Variants in KRTAP19-8 observed in about 807,000 individuals in gnomAD.
The protein encoded by KRTAP19-8 is keratin-associated protein 19-8.
KRTAP19-8 carries 1 observed loss-of-function variant against 0.3 expected under a neutral mutation model. The observed-to-expected ratio is 3.43, with a 90% confidence interval of 1.22 to 16.29. KRTAP19-8 has a LOEUF of 16.29. Among genes scored for constraint, KRTAP19-8 ranks in the 30% most tolerant of loss-of-function variants. The pLI is 0.12. For missense variants in KRTAP19-8, 68 were observed against 77.6 expected (o/e 0.88, Z 0.46); for synonymous variants, 30 against 32.1 (o/e 0.94, Z 0.22).
rs200908947 is a variant in KRTAP19-8 at position 31,038,347 on chromosome 21, G to A, written c.97C>T (p.Arg33Cys). The A allele has an allele frequency of 1.9e-5, 31 of 1,609,294 alleles. No individual in the cohort carries two copies. The African/African-American group carries it at 2.1e-4, about 11-fold the overall frequency. ...YGYGCGYGSF[R>C]RLGYGCGYGG... ...TAGCCACAGCCATAGCCCAACCTGC[G>A]GAAGCTGCCATAGCCGCAGCCATAG... The change falls in exon 1 of 1, where the codon CGC (arginine) becomes TGC (cysteine). Residue 33 changes from arginine to cysteine, a missense_variant. By Grantham distance (180) the Arg-to-Cys change is radical. Coordinates refer to ENST00000382822, the MANE Select transcript of KRTAP19-8 (RefSeq NM_001099219.1).
chr21:31,038,291 T>C lies in KRTAP19-8; in HGVS notation c.153A>G (p.Pro51=), dbSNP rs200559160. The C allele has an allele frequency of 7.4e-6, 12 of 1,613,632 alleles. No homozygotes were observed. The highest frequency in any genetic ancestry group is 9.3e-6 in the Non-Finnish European group (11 of 1,179,562). ...YGGYGFSCCR[P]LYYGGYGFSA... is the part of the protein sequence containing the mutation. ...AGAATCCATATCCTCCGTAGTATAATGGTCGGCAACAGCTGAATCCATAGC... is the reference window on the plus strand; with the variant it reads ...AGAATCCATATCCTCCGTAGTATAACGGTCGGCAACAGCTGAATCCATAGC... The change falls in exon 1 of 1, where the codon CCA becomes CCG. Residue 51 remains proline, a synonymous_variant. Coordinates refer to ENST00000382822, the MANE Select transcript of KRTAP19-8 (RefSeq NM_001099219.1).
In KRTAP19-8 at chr21:31,038,461, T is replaced by C; in HGVS notation, c.-18A>G. The C allele has an allele frequency of 6.2e-7, 1 of 1,601,528 alleles. No individual in the cohort carries two copies. The highest frequency in any genetic ancestry group is 8.5e-7 in the Non-Finnish European group (1 of 1,173,154). On this transcript the variant is annotated 5_prime_UTR_variant, in exon 1 of 1. Transcript: ENST00000382822. ...TAGCTCATGGTTCAGCAACTGTAGA[T>C]GTGTTTGGAGGTCAAGGGCAAGTTT...
Position 31,038,386 on chromosome 21 carries a change from C to T in KRTAP19-8, c.58G>A (p.Gly20Ser). ...GLGYGYGGFG[G>S]WGYGYGCGYG... ...CCGCAGCCATAGCCATAGCCCCAGC[C>T]ACCAAAGCCTCCATAGCCATAGCCC... Residue 20 changes from glycine to serine, a missense_variant, in exon 1 of 1, where the codon GGC becomes AGC. By Grantham distance (56) the Gly-to-Ser change is moderately conservative. Transcript: ENST00000382822. 6.2e-7 allele frequency: 1 copy of T among 1,613,276 alleles called. No individual in the cohort carries two copies. The highest frequency in any genetic ancestry group is 8.5e-7 in the Non-Finnish European group (1 of 1,179,282).
At position 31,038,409 on chromosome 21, in the gene KRTAP19-8, C is replaced by T. The variant is rs1382755412; in HGVS notation, c.35G>A (p.Gly12Asp). ...GCCACCAAAGCCTCCATAGCCATAG[C>T]CCAGGCCTCCATAATAGCTTCTGTA... ...SYYRSYYGGL[G>D]YGYGGFGGWG... The change falls in exon 1 of 1, where the codon GGC becomes GAC. Residue 12 changes from glycine to aspartate, a missense_variant. Transcript: ENST00000382822. 4 of 1,613,962 alleles carry T rather than the reference C, an allele frequency of 2.5e-6. No individual in the cohort carries two copies. The South Asian group carries it at 4.4e-5, about 18-fold the overall frequency.
rs949323783 is a variant in KRTAP19-8, at chr21:31,038,194, G to A, written c.*58C>T. The A allele has an allele frequency of 6.9e-7, 1 of 1,454,490 alleles. No individual in the cohort carries two copies. Among genetic ancestry groups the A allele is most frequent in the Non-Finnish European group, 9.6e-7 (1 of 1,045,000 alleles). The allele number at this position is 1,454,490 out of a possible 1,614,324, so 90.1% of individuals were successfully genotyped here. ...ACAGAGGGGGTAAAAAGACCTGAAA[G>A]GAGAATTAAGTCAGGATGATAGACA... On this transcript the variant is annotated 3_prime_UTR_variant, in exon 1 of 1. Transcript: ENST00000382822.
At position 31,038,187 on chromosome 21, in the gene KRTAP19-8, C is replaced by A; in HGVS notation, c.*65G>T. 2 of 1,416,216 alleles carry A rather than the reference C, an allele frequency of 1.4e-6. 1 individual carries two copies. The highest frequency in any genetic ancestry group is 2.3e-5 in the South Asian group (2 of 85,326). The allele number at this position is 1,416,216 out of a possible 1,614,324, so 87.7% of individuals were successfully genotyped here. A position where few individuals can be genotyped will look rare whatever the true frequency, so the allele number is the denominator to read the frequency against. On this transcript the variant is annotated 3_prime_UTR_variant, in exon 1 of 1. Coordinates refer to ENST00000382822, the MANE Select transcript of KRTAP19-8 (RefSeq NM_001099219.1). ...GCAATTCACAGAGGGGGTAAAAAGA[C>A]CTGAAAGGAGAATTAAGTCAGGATG...
In KRTAP19-8 at chr21:31,038,362, C is replaced by T. The variant is rs372923818; in HGVS notation, c.82G>A (p.Gly28Ser). Residue 28 changes from glycine (G) to serine (S), a missense_variant, in exon 1 of 1, where the codon GGC becomes AGC. Gly to Ser is a moderately conservative substitution (Grantham distance 56). Transcript: ENST00000382822. The stretch of plus-strand genomic sequence containing the variant: ...CCCAACCTGCGGAAGCTGCCATAGC[C>T]GCAGCCATAGCCATAGCCCCAGCCA... ...FGGWGYGYGC[G>S]YGSFRRLGYG... 65 of 1,608,790 alleles carry T rather than the reference C, an allele frequency of 4.0e-5. No individual in the cohort carries two copies. The highest frequency in any genetic ancestry group is 8.0e-5 in the African/African-American group (6 of 74,732).
In KRTAP19-8 at chr21:31,038,246, C is replaced by T; in HGVS notation, c.*6G>A. 6.2e-7 allele frequency: 1 copy of T among 1,610,064 alleles called. No homozygotes were observed. Among genetic ancestry groups the T allele is most frequent in the Non-Finnish European group, 8.5e-7 (1 of 1,176,900 alleles). ...ATTCTAGTGATCCAAAGAATGAGTTCACTCTTCAGTAGAAGGCAGAGAATC... is the reference window on the plus strand; with the variant it reads ...ATTCTAGTGATCCAAAGAATGAGTTTACTCTTCAGTAGAAGGCAGAGAATC... On this transcript the variant is annotated 3_prime_UTR_variant, in exon 1 of 1. Coordinates refer to ENST00000382822, the MANE Select transcript of KRTAP19-8 (RefSeq NM_001099219.1).
Position 31,038,352 on chromosome 21 carries a change from C to G in KRTAP19-8, c.92G>C (p.Ser31Thr), listed in dbSNP as rs777828652. Residue 31 changes from serine to threonine, a missense_variant, in exon 1 of 1, where the codon AGC becomes ACC. By Grantham distance (58) the Ser-to-Thr change is moderately conservative. Coordinates refer to ENST00000382822, the MANE Select transcript of KRTAP19-8 (RefSeq NM_001099219.1). ...ACAGCCATAGCCCAACCTGCGGAAG[C>G]TGCCATAGCCGCAGCCATAGCCATA... ...WGYGYGCGYG[S>T]FRRLGYGCGY... 7 of 1,607,918 alleles carry G rather than the reference C, an allele frequency of 4.4e-6. No homozygotes were observed. The Admixed American group carries it at 1.2e-4, about 27-fold the overall frequency.
In KRTAP19-8 at chr21:31,038,274, T is replaced by C. The variant is rs781402577; in HGVS notation, c.170A>G (p.Tyr57Cys). ...TCTTCAGTAGAAGGCAGAGAATCCA[T>C]ATCCTCCGTAGTATAATGGTCGGCA... ...SCCRPLYYGG[Y>C]GFSAFY The change falls in exon 1 of 1, where the codon TAT becomes TGT. Residue 57 changes from tyrosine to cysteine, a missense_variant. Tyr to Cys is a radical substitution (Grantham distance 194, BLOSUM62 -2). Transcript: ENST00000382822. 46 of 1,613,440 alleles carry C rather than the reference T, an allele frequency of 2.9e-5. No homozygotes were observed. The Admixed American group carries it at 6.2e-4, about 22-fold the overall frequency.
Sources: allele counts gnomAD v4.1 joint callset, GRCh38; gene constraint gnomAD v4.1.1; transcripts MANE v1.5; gene names NCBI Gene and HGNC (gene_info 2026-07-23, HGNC 2026-07-21).